Variants in ZC3H8 observed in about 807,000 individuals in gnomAD.
ZC3H8 encodes the protein zinc finger CCCH-type containing 8.
Under a neutral mutation model 42.5 loss-of-function variants are expected in ZC3H8, and 27 were observed. The ratio of observed to expected loss-of-function variants is 0.64; its 90% CI spans 0.47 to 0.88. The LOEUF (loss-of-function observed/expected upper bound fraction) is 0.88, where lower values mean the gene tolerates loss of function less well. ZC3H8 is among the 40% of genes least tolerant of loss of function. ZC3H8 has a pLI of 0.00. For missense variants in ZC3H8, 277 were observed against 336.1 expected, an observed-to-expected ratio of 0.82 and a Z score of 1.37; for synonymous variants, 101 against 110.1, an observed-to-expected ratio of 0.92 and a Z score of 0.52.
At chr2:112,240,476 G>T (rs1685531680) in intron 2 of ZC3H8, 1 of 152,192 alleles carries the variant, frequency 6.6e-6, no homozygotes, top group African/African-American at 2.4e-5. Flanking sequence ...ATAGAGGTGA[G>T]ATTTTCTTCA....
chr2:112,220,290 G>A (rs933726929), intron 8 of ZC3H8, among the ~76,000 whole-genome samples: 2 of 152,180 alleles, frequency 1.3e-5, no homozygotes, highest in Admixed American at 1.3e-4. Flanking sequence ...GCCAGTAATG[G>A]TCTTTACTTC....
chr2:112,245,979 A>C lies in ZC3H8; in HGVS notation c.156+4212T>G, dbSNP rs146377779. ...GCTAACTCTTGTTAGGAGCTAATGC[A>C]GCTGGTGACTTTAAGTTGAAACCAA... is the stretch of plus-strand genomic sequence containing the variant. On this transcript the variant is annotated intron_variant, in intron 2 of 8. Coordinates refer to ENST00000409573, the MANE Select transcript of ZC3H8 (RefSeq NM_032494.3). Among the ~76,000 whole-genome samples the C allele has an allele frequency of 3.3e-3, 504 of 152,348 alleles. 2 individuals are homozygous for C. The highest frequency in any genetic ancestry group is 5.9e-3 in the Non-Finnish European group (398 of 68,030).
intron 8 of ZC3H8, among the ~76,000 whole-genome samples, chr2:112,230,240 G>T (rs189670710): frequency 1.6e-4 from 25 of 152,264 alleles, no homozygotes; most frequent in Admixed American, 1.4e-3. Context: ...GGCAAGTGTA[G>T]AATGACAGTT....
chr2:112,219,730 G>A (rs1291847031), intron 8 of ZC3H8, among the ~76,000 whole-genome samples: 1 of 152,038 alleles, frequency 6.6e-6, no homozygotes, highest in Non-Finnish European at 1.5e-5. Context: ...GTGCAGATGA[G>A]CAGAATGTAC....
At position 112,216,128 on chromosome 2, in the gene ZC3H8, C is replaced by T. The variant is rs1684309809; in HGVS notation, c.*356G>A. ...CAAACCTCCTCTACCTCTTTACTCACCCTCACTCAGCCTAACCTTGCTTCC... is the reference window on the plus strand; with the variant it reads ...CAAACCTCCTCTACCTCTTTACTCATCCTCACTCAGCCTAACCTTGCTTCC... On this transcript the variant is annotated 3_prime_UTR_variant, in exon 9 of 9. Coordinates refer to ENST00000409573, the MANE Select transcript of ZC3H8 (RefSeq NM_032494.3). 1 of 152,204 alleles carries T rather than the reference C, an allele frequency of 6.6e-6. No homozygotes were observed. The highest frequency in any genetic ancestry group is 6.5e-5 in the Admixed American group (1 of 15,280). 9.4% of individuals were successfully genotyped at this position (152,204 alleles called of 1,614,324 possible).
chr2:112,235,252 A>C (rs947380311), intron 4 of ZC3H8, among the ~76,000 whole-genome samples: 1 of 152,204 alleles, frequency 6.6e-6, no homozygotes, highest in African/African-American at 2.4e-5. Flanking sequence ...AGCACCATCA[A>C]ATTTATGTCT....
rs1276300543 is a variant in ZC3H8, at chr2:112,211,786, C to T, written c.*4698G>A. 1 of 151,756 alleles carries T rather than the reference C, an allele frequency of 6.6e-6. No homozygotes were observed. The highest frequency in any genetic ancestry group is 1.5e-5 in the Non-Finnish European group (1 of 67,964). The allele number at this position is 151,756 out of a possible 1,614,324, so 9.4% of individuals were successfully genotyped here. ...TTCTTTCATGCCTCCAAGACAAGTT[C>T]GAATTTAGTTTATTTTTAAATAATG... On this transcript the variant is annotated 3_prime_UTR_variant, in exon 9 of 9. Transcript: ENST00000409573.
intron 8 of ZC3H8, among the ~76,000 whole-genome samples, chr2:112,222,593 G>A (rs995663188): frequency 6.6e-6 from 1 of 152,066 alleles, no homozygotes; most frequent in African/African-American, 2.4e-5. Flanking sequence ...AAATCACAAG[G>A]GACAGAAAAT....
At chr2:112,236,443 C>A in intron 4 of ZC3H8, 119 bp downstream of exon 4, 1 of 1,377,958 alleles carries the variant, frequency 7.3e-7, no homozygotes, top group Non-Finnish European at 9.8e-7. Flanking sequence ...ATCCGAAAAC[C>A]GATTCTGTGG....
At chr2:112,224,684 A>C (rs556696541) in intron 8 of ZC3H8, among the ~76,000 whole-genome samples, 1 of 152,364 alleles carries the variant, frequency 6.6e-6, no homozygotes, top group East Asian at 1.9e-4. Flanking sequence ...AAAAACAGGA[A>C]GCTTGAAAAC....
At chr2:112,249,531 C>T (rs1225201994) in intron 2 of ZC3H8, among the ~76,000 whole-genome samples, 2 of 152,148 alleles carry the variant, frequency 1.3e-5, no homozygotes, top group Non-Finnish European at 2.9e-5. Context: ...GCAACCTCCA[C>T]CTCCTGGGTT....
At position 112,214,125 on chromosome 2, in the gene ZC3H8, T is replaced by A. The variant is rs1684241866; in HGVS notation, c.*2359A>T. On this transcript the variant is annotated 3_prime_UTR_variant, in exon 9 of 9. Coordinates refer to ENST00000409573, the MANE Select transcript of ZC3H8 (RefSeq NM_032494.3). The stretch of plus-strand genomic sequence containing the variant: ...CCTCGCCCAGCTAATTTTTTGTAAT[T>A]TTAGTAGAGATGGGGTTTCACCATG... 6.6e-6 allele frequency: 1 copy of A among 151,648 alleles called. No homozygotes were observed. The highest frequency in any genetic ancestry group is 2.4e-5 in the African/African-American group (1 of 41,202). 9.4% of individuals were successfully genotyped at this position (151,648 alleles called of 1,614,324 possible).
chr2:112,239,827 C>G (rs189191969), intron 2 of ZC3H8, among the ~76,000 whole-genome samples: 1 of 152,120 alleles, frequency 6.6e-6, no homozygotes, highest in Admixed American at 6.5e-5. Context: ...TCAAGTGATC[C>G]GCCTGCCTCG....
intron 2 of ZC3H8, among the ~76,000 whole-genome samples, chr2:112,243,644 C>CTA (rs1184088761): frequency 6.6e-6 from 1 of 152,124 alleles, no homozygotes; most frequent in Non-Finnish European, 1.5e-5. Context: ...GTACTGAAGT[C>CTA]TATCAGTCAA....
At chr2:112,220,808 C>T (rs1422480978) in intron 8 of ZC3H8, among the ~76,000 whole-genome samples, 1 of 152,122 alleles carries the variant, frequency 6.6e-6, no homozygotes, top group Non-Finnish European at 1.5e-5. Flanking sequence ...GCAAAAAGAG[C>T]GAAACTCCAT....
intron 2 of ZC3H8, among the ~76,000 whole-genome samples, chr2:112,247,537 C>G (rs544683986): frequency 1.3e-5 from 2 of 152,262 alleles, no homozygotes; most frequent in South Asian, 4.1e-4. Context: ...CAAGATTTTG[C>G]CACTTTACTG....
In ZC3H8 at chr2:112,234,225, A is replaced by C. The variant is rs1210535530; in HGVS notation, c.516T>G (p.Pro172=). The stretch of plus-strand genomic sequence containing the variant: ...GACTCAAATGCTGCTGCTTCTCTTT[A>C]GGTTTACCATCCTTTAAAAACAAAA... The part of the protein sequence containing the change: ...NSGSQEEDGK[P]KEKQQHLSQA... The change falls in exon 5 of 9, where the codon CCT becomes CCG. Residue 172 remains proline, a synonymous_variant. Transcript: ENST00000409573. 2.5e-6 allele frequency: 4 copies of C among 1,602,712 alleles called. No individual in the cohort carries two copies. The highest frequency in any genetic ancestry group is 3.4e-6 in the Non-Finnish European group (4 of 1,176,140).
chr2:112,250,317 G>T, intron 1 of ZC3H8, 45 bp from the exon 2 acceptor site: 2 of 1,435,854 alleles, frequency 1.4e-6, no homozygotes, highest in Non-Finnish European at 1.9e-6. Flanking sequence ...TTTTCAACCT[G>T]AAGTGTTCAT....
Position 112,215,580 on chromosome 2 carries a change from C to T in ZC3H8, c.*904G>A, listed in dbSNP as rs1437875833. The T allele has an allele frequency of 6.6e-6, 1 of 152,166 alleles. No individual in the cohort carries two copies. Among genetic ancestry groups the T allele is most frequent in the Admixed American group, 6.5e-5 (1 of 15,282 alleles). The allele number at this position is 152,166 out of a possible 1,614,324, so 9.4% of individuals were successfully genotyped here. On this transcript the variant is annotated 3_prime_UTR_variant, in exon 9 of 9. Transcript: ENST00000409573. ...CTGTATGTCCAGCAAGTTGGTAATA[C>T]TATTACTTTTCCCAACAATAAAACA... is the stretch of plus-strand genomic sequence containing the variant.
Sources: gnomAD v4.1 joint callset for allele counts (sites outside exome capture counted in the v4.1 genomes callset) on GRCh38, gnomAD v4.1.1 for gene constraint, MANE v1.5 for transcripts, NCBI Gene and HGNC (gene_info 2026-07-23, HGNC 2026-07-21) for gene names.